Variants in KCNQ1 observed in about 807,000 individuals in gnomAD.
KCNQ1 encodes the protein potassium voltage-gated channel subfamily Q member 1.
In KCNQ1, 49 loss-of-function variants were observed where a neutral mutation model predicts 72.4. That is an observed-to-expected ratio of 0.68 (90% CI 0.54 to 0.86). The LOEUF (loss-of-function observed/expected upper bound fraction) is 0.86, where lower values mean the gene tolerates loss of function less well. KCNQ1 is among the 40% of genes least tolerant of loss of function. The probability of loss-of-function intolerance (pLI) is 0.00; values close to 1 mark genes in which losing one functional copy is unlikely to be tolerated. For synonymous variants in KCNQ1, 450 were observed against 412.6 expected (o/e 1.09, Z -1.10); for missense variants, 790 against 945.1 (o/e 0.84, Z 2.15).
chr11:2,665,089 GAGATAA>G, intron 11 of KCNQ1: 1 of 398,510 alleles, frequency 2.5e-6, no homozygotes, highest in Non-Finnish European at 4.4e-6. Flanking sequence ...GGGTACCCAG[GAGATAA>G]AGAGTGGCGT....
At chr11:2,726,865 C>T (rs1263540192) in intron 11 of KCNQ1, among the ~76,000 whole-genome samples, 1 of 152,122 alleles carries the variant, frequency 6.6e-6, no homozygotes, top group East Asian at 1.9e-4. Context: ...TTCCAGAGGC[C>T]CCTCCCAAGT....
At chr11:2,806,511 G>C (rs1847377490) in intron 15 of KCNQ1, among the ~76,000 whole-genome samples, 1 of 152,230 alleles carries the variant, frequency 6.6e-6, no homozygotes, top group African/African-American at 2.4e-5. Flanking sequence ...ACGCAGGCTT[G>C]CCTCTTCCTT....
At chr11:2,641,410 T>C (rs1275010890) in intron 10 of KCNQ1, 2 of 398,320 alleles carry the variant, frequency 5.0e-6, no homozygotes, top group South Asian at 2.5e-4. Flanking sequence ...TTTTTAAATA[T>C]ACCTGTTGGC....
At chr11:2,760,836 C>CA (rs1402938061) in intron 11 of KCNQ1, among the ~76,000 whole-genome samples, 1 of 152,212 alleles carries the variant, frequency 6.6e-6, no homozygotes, top group Non-Finnish European at 1.5e-5. Flanking sequence ...CCCCACTACT[C>CA]AAAGTTCTAG....
Position 2,668,855 on chromosome 11 carries a change from C to G in KCNQ1, c.1514+6774C>G, listed in dbSNP as rs1370009193. Reference sequence around the variant, plus strand: ...CTCTCTGGATAGGGCTGTTTGTGTCCTATTTAAGAAACTTTGACTACTCCA... The same window carrying G: ...CTCTCTGGATAGGGCTGTTTGTGTCGTATTTAAGAAACTTTGACTACTCCA... On this transcript the variant is annotated intron_variant, in intron 11 of 15. Coordinates refer to ENST00000155840, the MANE Select transcript of KCNQ1 (RefSeq NM_000218.3). The surrounding 1 kb of genome is among the most constrained non-coding windows in gnomAD (Gnocchi z 4.3). The G allele has an allele frequency of 2.5e-6, 1 of 398,470 alleles. No individual in the cohort carries two copies. Among genetic ancestry groups the G allele is most frequent in the East Asian group, 3.6e-5 (1 of 28,088 alleles). 24.7% of individuals were successfully genotyped at this position (398,470 alleles called of 1,614,324 possible).
Position 2,736,932 on chromosome 11 carries a change from G to A in KCNQ1, c.1515-31912G>A, listed in dbSNP as rs181341081. 4.4e-3 allele frequency among the ~76,000 whole-genome samples: 666 copies of A among 152,314 alleles called. 4 individuals are homozygous for A. Among genetic ancestry groups the A allele is most frequent in the African/African-American group, 0.015 (629 of 41,574 alleles). ...TGCCTCGGGCTACCCTGAAGTGCCA[G>A]CCGAGGGTGGCTGAGGAAGCCCAGT... On this transcript the variant is annotated intron_variant, in intron 11 of 15. Coordinates refer to ENST00000155840, the MANE Select transcript of KCNQ1 (RefSeq NM_000218.3).
Position 2,587,523 on chromosome 11 carries a change from G to A in KCNQ1, c.1129-47G>A, listed in dbSNP as rs191035898. ...AGCTGTAGCTTCCATAAGGGCCCCCGCCGGGTGGCTCAGCAGGTGACAGCC... is the reference window on the plus strand; with the variant it reads ...AGCTGTAGCTTCCATAAGGGCCCCCACCGGGTGGCTCAGCAGGTGACAGCC... On this transcript the variant is annotated intron_variant, in intron 8 of 15. Coordinates refer to ENST00000155840, the MANE Select transcript of KCNQ1 (RefSeq NM_000218.3). 148 of 1,612,222 alleles carry A rather than the reference G, an allele frequency of 9.2e-5. No individual in the cohort carries two copies. In the African/African-American group the frequency reaches 1.6e-3, roughly 17 times the overall value.
At chr11:2,741,340 GGCT>G (rs1387050415) in intron 11 of KCNQ1, among the ~76,000 whole-genome samples, 1 of 152,214 alleles carries the variant, frequency 6.6e-6, no homozygotes, top group Non-Finnish European at 1.5e-5. Context: ...TTGCCGGGGT[GGCT>G]GTGTGCAGCA....
chr11:2,585,537 G>A (rs1364856665), intron 8 of KCNQ1, among the ~76,000 whole-genome samples: 2 of 152,380 alleles, frequency 1.3e-5, no homozygotes, highest in East Asian at 3.9e-4. Context: ...TGCCCTGTGG[G>A]CTGGAGAGGA....
intron 11 of KCNQ1, among the ~76,000 whole-genome samples, chr11:2,714,583 T>C (rs11820028): frequency 0.022 from 3,300 of 150,742 alleles, 122 homozygotes; most frequent in African/African-American, 0.076. Context: ...GGTGGACATA[T>C]GGGGTGTGGG....
At chr11:2,660,448 G>A (rs1453660739) in intron 10 of KCNQ1, 1 of 398,456 alleles carries the variant, frequency 2.5e-6, no homozygotes, top group African/African-American at 2.1e-5. Flanking sequence ...TAGGATAAAA[G>A]CAACATAATT....
rs760633560 is a variant in KCNQ1, at chr11:2,827,567, C to T, written c.1795-20200C>T. ...GAGTCGCTGCAAGGGCCCCTGGGGA[C>T]GGAGTCTCTATTCCAGGCAGGCAAA... is the stretch of plus-strand genomic sequence containing the variant. On this transcript the variant is annotated intron_variant, in intron 15 of 15. Coordinates refer to ENST00000155840, the MANE Select transcript of KCNQ1 (RefSeq NM_000218.3). This position sits in a 1 kb window ranked among gnomAD's most constrained non-coding sequence, Gnocchi z 6.7. 4.4e-5 allele frequency among the ~76,000 whole-genome samples: 6 copies of T among 135,014 alleles called. No individual in the cohort carries two copies. The highest frequency in any genetic ancestry group is 7.6e-5 in the Non-Finnish European group (5 of 65,818). 88.6% of individuals were successfully genotyped at this position (135,014 alleles called of 152,430 possible).
chr11:2,637,968 A>G (rs1849503556), intron 10 of KCNQ1: 1 of 152,200 alleles, frequency 6.6e-6, no homozygotes, highest in East Asian at 1.9e-4. Flanking sequence ...TTATTGGTTT[A>G]AAGTCTGTTT....
At position 2,671,723 on chromosome 11, in the gene KCNQ1, A is replaced by G. The variant is rs1850186895; in HGVS notation, c.1514+9642A>G. The G allele has an allele frequency of 2.5e-6, 1 of 398,590 alleles. No homozygotes were observed. The highest frequency in any genetic ancestry group is 4.4e-5 in the Admixed American group (1 of 22,722). The allele number at this position is 398,590 out of a possible 1,614,324, so 24.7% of individuals were successfully genotyped here. On this transcript the variant is annotated intron_variant, in intron 11 of 15. Coordinates refer to ENST00000155840, the MANE Select transcript of KCNQ1 (RefSeq NM_000218.3). The surrounding 1 kb of genome is among the most constrained non-coding windows in gnomAD (Gnocchi z 4.7). ...TACTTGGGAAGTAGGGTGGTAGGCAAGGCTTTTCAGAGAACAAGGAGCTAC... is the reference window on the plus strand; with the variant it reads ...TACTTGGGAAGTAGGGTGGTAGGCAGGGCTTTTCAGAGAACAAGGAGCTAC...
In KCNQ1 at chr11:2,678,581, A is replaced by T. The variant is rs1850333998; in HGVS notation, c.1514+16500A>T. 1 of 398,490 alleles carries T rather than the reference A, an allele frequency of 2.5e-6. No individual in the cohort carries two copies. The highest frequency in any genetic ancestry group is 4.4e-5 in the Admixed American group (1 of 22,716). The allele number at this position is 398,490 out of a possible 1,614,324, so 24.7% of individuals were successfully genotyped here. Reference sequence around the variant, plus strand: ...TTTTAATTATGTAACTTTATGATGCACTTATCTGTGTAGCAGGACTCCCCC... The same window carrying T: ...TTTTAATTATGTAACTTTATGATGCTCTTATCTGTGTAGCAGGACTCCCCC... On this transcript the variant is annotated intron_variant, in intron 11 of 15. Transcript: ENST00000155840. This position sits in a 1 kb window ranked among gnomAD's most constrained non-coding sequence, Gnocchi z 4.9.
intron 10 of KCNQ1, chr11:2,622,555 A>C: frequency 2.5e-6 from 1 of 398,466 alleles, no homozygotes. Context: ...GTACTTACTT[A>C]TAAAAAAGAA....
chr11:2,514,201 G>T (rs1032497111), intron 1 of KCNQ1, among the ~76,000 whole-genome samples: 2 of 152,236 alleles, frequency 1.3e-5, no homozygotes, highest in Non-Finnish European at 2.9e-5. Context: ...AGAGCCGAGG[G>T]AGCTGGCCGG....
At chr11:2,709,220 G>GCCCCCCCCCCCCCCCCCCCCC (rs34617956) in intron 11 of KCNQ1, among the ~76,000 whole-genome samples, 45 of 130,140 alleles carry the variant, frequency 3.5e-4, no homozygotes, top group African/African-American at 4.5e-4. Context: ...CGGCTTCCAG[G>GCCCCCCCCCCCCCCCCCCCCC]CCCCCCCCAC....
chr11:2,462,129 C>T lies in KCNQ1; in HGVS notation c.386+16645C>T, dbSNP rs995182094. Among the ~76,000 whole-genome samples the T allele has an allele frequency of 3.9e-5, 6 of 152,076 alleles. No homozygotes were observed. The highest frequency in any genetic ancestry group is 1.4e-4 in the African/African-American group (6 of 41,392). On this transcript the variant is annotated intron_variant, in intron 1 of 15. Transcript: ENST00000155840. This position sits in a 1 kb window ranked among gnomAD's most constrained non-coding sequence, Gnocchi z 8.2. ...CCTTCCCTGGGCTGAGGGGGCGTTGCTGTGGGTGTATCTCATGGAGAGCCC... is the reference window on the plus strand; with the variant it reads ...CCTTCCCTGGGCTGAGGGGGCGTTGTTGTGGGTGTATCTCATGGAGAGCCC...
Sources: gnomAD v4.1 joint callset for allele counts (sites outside exome capture counted in the v4.1 genomes callset) on GRCh38, gnomAD v4.1.1 for gene constraint, Gnocchi (gnomAD v3.1) non-coding constraint, MANE v1.5 for transcripts, NCBI Gene and HGNC (gene_info 2026-07-23, HGNC 2026-07-21) for gene names.